PKLR: variants seen among roughly 807,000 people sequenced by gnomAD.
PKLR encodes the protein pyruvate kinase PKLR.
Under a neutral mutation model 53.6 loss-of-function variants are expected in PKLR, and 38 were observed. The observed-to-expected ratio is 0.71, with a 90% CI of 0.55 to 0.93. The LOEUF (loss-of-function observed/expected upper bound fraction) is 0.93, where lower values mean the gene tolerates loss of function less well. Among genes scored for constraint, PKLR ranks in the 40% least tolerant of loss-of-function variants. PKLR has a pLI of 0.00. For missense variants in PKLR, 702 were observed against 787.3 expected, an observed-to-expected ratio of 0.89 and a Z score of 1.30; for synonymous variants, 328 against 316.2, an observed-to-expected ratio of 1.04 and a Z score of -0.39.
In PKLR at chr1:155,290,391, G is replaced by C. The variant is rs1674478626; in HGVS notation, c.*181C>G. 3.3e-6 allele frequency: 2 copies of C among 608,620 alleles called. No homozygotes were observed. Among genetic ancestry groups the C allele is most frequent in the South Asian group, 3.8e-5 (2 of 52,802 alleles). The allele number at this position is 608,620 out of a possible 1,614,324, so 37.7% of individuals were successfully genotyped here. On this transcript the variant is annotated 3_prime_UTR_variant, in exon 11 of 11. Transcript: ENST00000342741. ...TGTGTGAAATGGAGATGGGGAAGGGGCAACCTCGAAGGGGCTAGATGACAG... is the reference window on the plus strand; with the variant it reads ...TGTGTGAAATGGAGATGGGGAAGGGCCAACCTCGAAGGGGCTAGATGACAG...
Position 155,295,611 on chromosome 1 carries a change from AG to A in PKLR, c.376-44del. Reference sequence around the variant, plus strand: ...GCGAGGGTTTCAGGGGAAGGTGGCCAGGACCTCGAGGCATCCTCCTGCCCCA... The same window carrying A: ...GCGAGGGTTTCAGGGGAAGGTGGCCAGACCTCGAGGCATCCTCCTGCCCCA... On this transcript the variant is annotated intron_variant, in intron 3 of 10. Transcript: ENST00000342741. The surrounding 1 kb of genome is among the most constrained non-coding windows in gnomAD (Gnocchi z 4.3). 6.2e-7 allele frequency: 1 copy of A among 1,614,012 alleles called. No homozygotes were observed.
Position 155,289,445 on chromosome 1 carries a change from G to C in PKLR, c.*1127C>G, listed in dbSNP as rs1374809152. The C allele has an allele frequency of 1.3e-5, 2 of 152,268 alleles. No individual in the cohort carries two copies. The highest frequency in any genetic ancestry group is 4.8e-5 in the African/African-American group (2 of 41,458). 9.4% of individuals were successfully genotyped at this position (152,268 alleles called of 1,614,324 possible). A position where few individuals can be genotyped will look rare whatever the true frequency, so the allele number is the denominator to read the frequency against. ...AGGGCCTCTCCATGCCAGCCTCTGT[G>C]GTCCTTGCCCAAACCCATCAGCGCA... On this transcript the variant is annotated 3_prime_UTR_variant, in exon 11 of 11. Transcript: ENST00000342741.
rs1647533800 is a variant in PKLR at position 155,295,522 on chromosome 1, A to G, written c.422T>C (p.Phe141Ser). The G allele has an allele frequency of 3.1e-6, 5 of 1,612,860 alleles. No homozygotes were observed. Among genetic ancestry groups the G allele is most frequent in the Non-Finnish European group, 4.2e-6 (5 of 1,179,514 alleles). Reference protein sequence around the residue: ...IANVREAVESFAGSPLSYRPV... With the variant: ...IANVREAVESSAGSPLSYRPV... ...CCGGTAGCTGAGTGGGGAACCTGCA[A>G]AGCTCTCCACCGCCTCCCGGACGTT... Residue 141 changes from phenylalanine to serine, a missense_variant, in exon 4 of 11, where the codon TTT becomes TCT. Around this residue, in one of 2 missense-constraint regions of PKLR, gnomAD observed 519 missense variants for 537.1 expected, o/e 0.97. Transcript: ENST00000342741. This position sits in a 1 kb window ranked among gnomAD's most constrained non-coding sequence, Gnocchi z 4.3.
rs748947397 is a variant in PKLR at position 155,294,702 on chromosome 1, G to A, written c.745C>T (p.Arg249Trp). ...GCCCCTGGCAAGTTCACGCCCTTCC[G>A]GCTGCCCAGGACGCCGCCGTTCTCC... is the stretch of plus-strand genomic sequence containing the variant. The part of the protein sequence containing the change: ...QVENGGVLGS[R>W]KGVNLPGAQV... The change falls in exon 6 of 11, where the codon CGG becomes TGG. Residue 249 changes from arginine (R) to tryptophan (W), a missense_variant. Transcript: ENST00000342741. 9.9e-6 allele frequency: 16 copies of A among 1,613,740 alleles called. No individual in the cohort carries two copies. The highest frequency in any genetic ancestry group is 4.0e-5 in the African/African-American group (3 of 74,942).
intron 2 of PKLR, among the ~76,000 whole-genome samples, chr1:155,298,547 G>A (rs1355032551): frequency 6.8e-6 from 1 of 146,630 alleles, no homozygotes; most frequent in East Asian, 2.1e-4. Flanking sequence ...GGCTGGTCTC[G>A]AACTCCTGAC....
At chr1:155,308,651 T>C in the PKLR span, 2 of 985,446 alleles carry the variant, frequency 2.0e-6, no homozygotes, top group Non-Finnish European at 2.4e-6. Flanking sequence ...CTTCCGGCAC[T>C]GACGCCTCCA....
chr1:155,303,401 TTATCGAGCACCTACGCTG>T (rs1240752053), upstream of PKLR, among the ~76,000 whole-genome samples: 15 of 152,192 alleles, frequency 9.9e-5, no homozygotes, highest in Admixed American at 9.8e-4. Context: ...TGTCCAATCT[TTATCGAGCACCTACGCTG>T]TATCAGGCCC....
In PKLR at chr1:155,301,328, A is replaced by G; in HGVS notation, c.68T>C (p.Leu23Ser). 6.2e-7 allele frequency: 1 copy of G among 1,613,938 alleles called. No homozygotes were observed. Among genetic ancestry groups the G allele is most frequent in the Non-Finnish European group, 8.5e-7 (1 of 1,179,932 alleles). ...AGCCCCAATCAGGATGGACTTTGCT[A>G]AGTCTCTTTGGGACTTAGAGACCCA... ...RSWVSKSQRD[L>S]AKSILIGAPG... The change falls in exon 1 of 11, where the codon TTA (leucine) becomes TCA (serine). Residue 23 changes from leucine (L) to serine (S), a missense_variant. Coordinates refer to ENST00000342741, the MANE Select transcript of PKLR (RefSeq NM_000298.6).
In PKLR at chr1:155,295,186, G is replaced by A. The variant is rs1428491685; in HGVS notation, c.624C>T (p.Val208=). Residue 208 remains valine (V), a synonymous_variant, in exon 5 of 11, where the codon GTC becomes GTT. Coordinates refer to ENST00000342741, the MANE Select transcript of PKLR (RefSeq NM_000298.6). This position sits in a 1 kb window ranked among gnomAD's most constrained non-coding sequence, Gnocchi z 4.3. The stretch of plus-strand genomic sequence containing the variant: ...TGCGGCCCCCCACCGGCACGACCCG[G>A]ACAATATTGGGGTAGTCCACCCACA... ...NTVWVDYPNI[V]RVVPVGGRIY... is the part of the protein sequence containing the mutation. 6.2e-7 allele frequency: 1 copy of A among 1,614,154 alleles called. No homozygotes were observed. Among genetic ancestry groups the A allele is most frequent in the Non-Finnish European group, 8.5e-7 (1 of 1,179,976 alleles).
intron 2 of PKLR, among the ~76,000 whole-genome samples, chr1:155,299,871 C>G (rs1472435604): frequency 6.6e-6 from 1 of 152,134 alleles, no homozygotes; most frequent in Non-Finnish European, 1.5e-5. Context: ...TATTTATTGT[C>G]ATACTCAGCT....
chr1:155,296,396 G>A (rs1344591825), intron 2 of PKLR, among the ~76,000 whole-genome samples: 1 of 151,890 alleles, frequency 6.6e-6, no homozygotes, highest in African/African-American at 2.4e-5. Flanking sequence ...AGGCTGGAGT[G>A]CAGTGGCACC....
At chr1:155,291,694 G>C in intron 10 of PKLR, 62 bp downstream of exon 10, 1 of 1,486,258 alleles carries the variant, frequency 6.7e-7, no homozygotes, top group Admixed American at 1.7e-5. Flanking sequence ...GGTATGGGAA[G>C]CTGGGTTGGG....
chr1:155,299,014 CTTTCTTTCTTTCTTTCTTTCTCTTTCT>C (rs1557963240), intron 2 of PKLR, among the ~76,000 whole-genome samples: 1,924 of 102,520 alleles, frequency 0.019, 49 homozygotes, highest in African/African-American at 0.022. Context: ...TTCTTTCTTT[CTTTCTTTCTTTCTTTCTTTCTCTTTCT>C]TTCTTTCTTT....
chr1:155,304,979 A>G (rs990879348), upstream of PKLR, among the ~76,000 whole-genome samples: 4 of 152,150 alleles, frequency 2.6e-5, no homozygotes, highest in Non-Finnish European at 5.9e-5. Flanking sequence ...CAGGAGGCTG[A>G]CGGCTTTGCA....
intron 2 of PKLR, among the ~76,000 whole-genome samples, chr1:155,298,365 G>A (rs1572060357): frequency 6.9e-6 from 1 of 145,184 alleles, no homozygotes. Flanking sequence ...TTTCGCTCTT[G>A]TTGCCCAGGC....
intron 2 of PKLR, among the ~76,000 whole-genome samples, chr1:155,296,481 T>C (rs568549236): frequency 6.6e-6 from 1 of 152,238 alleles, no homozygotes; most frequent in South Asian, 2.1e-4. Flanking sequence ...TAGCTGGGAT[T>C]ACAGGTGTGC....
At chr1:155,298,285 C>T (rs949325065) in intron 2 of PKLR, among the ~76,000 whole-genome samples, 1 of 151,966 alleles carries the variant, frequency 6.6e-6, no homozygotes, top group Non-Finnish European at 1.5e-5. Context: ...CAGTCTGCCT[C>T]GGCCTCCCAA....
chr1:155,308,257 C>CG, the PKLR span, among the ~76,000 whole-genome samples: 1 of 151,022 alleles, frequency 6.6e-6, no homozygotes, highest in Non-Finnish European at 1.5e-5. Context: ...TTAGTAGAGA[C>CG]GGGGTTTCAC....
In PKLR at chr1:155,293,178, G is replaced by A. The variant is rs201406712; in HGVS notation, c.1435C>T (p.Arg479Cys). The change falls in exon 9 of 11, where the codon CGC becomes TGC. Residue 479 changes from arginine (R) to cysteine (C), a missense_variant and splice_region_variant. By Grantham distance (180) the Arg-to-Cys change is radical. This residue lies in a region of PKLR where 183 missense variants were observed against 250.2 expected (regional missense o/e 0.73). Coordinates refer to ENST00000342741, the MANE Select transcript of PKLR (RefSeq NM_000298.6). This position sits in a 1 kb window ranked among gnomAD's most constrained non-coding sequence, Gnocchi z 4.2. Reference sequence around the variant, plus strand: ...GGACATTCCCAATATCCCCCTCACCGGCCAGTTGTGGTCAGCACAATGATG... The same window carrying A: ...GGACATTCCCAATATCCCCCTCACCAGCCAGTTGTGGTCAGCACAATGATG... ...AAIIVLTTTG[R>C]SAQLLSRYRP... 101 of 1,416,082 alleles carry A rather than the reference G, an allele frequency of 7.1e-5. 1 individual carries two copies. In the Admixed American group the frequency reaches 1.2e-3, roughly 18 times the overall value. The allele number at this position is 1,416,082 out of a possible 1,614,324, so 87.7% of individuals were successfully genotyped here.
Sources: allele counts gnomAD v4.1 joint callset (sites outside exome capture counted in the v4.1 genomes callset), GRCh38; gene constraint gnomAD v4.1.1; regional missense constraint gnomAD v4.1.1; non-coding constraint Gnocchi (gnomAD v3.1); transcripts MANE v1.5; gene names NCBI Gene and HGNC (gene_info 2026-07-23, HGNC 2026-07-21).